CDKAL1: variants seen among roughly 807,000 people sequenced by gnomAD.
The protein encoded by CDKAL1 is CDKAL1 threonylcarbamoyladenosine tRNA methylthiotransferase.
In CDKAL1, 32 loss-of-function variants were observed where a neutral mutation model predicts 68.2. The ratio of observed to expected loss-of-function variants is 0.47; its 90% CI spans 0.35 to 0.63. The LOEUF is 0.63. CDKAL1 is among the 30% of genes least tolerant of loss of function. The pLI is 0.00. For missense variants in CDKAL1, 606 were observed against 696.7 expected, an observed-to-expected ratio of 0.87 and a Z score of 1.47; for synonymous variants, 234 against 244.3, an observed-to-expected ratio of 0.96 and a Z score of 0.39.
chr6:20,744,590 G>C (rs966160195), intron 6 of CDKAL1, among the ~76,000 whole-genome samples: 3 of 152,146 alleles, frequency 2.0e-5, no homozygotes, highest in African/African-American at 7.2e-5. Flanking sequence ...ACCACAGTGA[G>C]ATCAATTAGT....
At chr6:20,865,833 T>TCA (rs1160674667) in intron 9 of CDKAL1, among the ~76,000 whole-genome samples, 1 of 152,174 alleles carries the variant, frequency 6.6e-6, no homozygotes, top group African/African-American at 2.4e-5. Flanking sequence ...AGCGTACCCA[T>TCA]CACAGTAACT....
At chr6:20,856,568 A>T (rs1759348439) in intron 9 of CDKAL1, among the ~76,000 whole-genome samples, 1 of 151,916 alleles carries the variant, frequency 6.6e-6, no homozygotes, top group African/African-American at 2.4e-5. Flanking sequence ...GTTTTACCAA[A>T]GGGGTATGTC....
chr6:20,595,539 T>G (rs752346955), intron 4 of CDKAL1, among the ~76,000 whole-genome samples: 2 of 152,084 alleles, frequency 1.3e-5, no homozygotes, highest in African/African-American at 2.4e-5. Context: ...TTTATGTTTT[T>G]CTCTAAACTG....
At chr6:21,192,915 C>G (rs1285538079) in intron 13 of CDKAL1, among the ~76,000 whole-genome samples, 1 of 150,058 alleles carries the variant, frequency 6.7e-6, no homozygotes. Context: ...CTTGGACTCT[C>G]AAGCAATCCT....
intron 13 of CDKAL1, among the ~76,000 whole-genome samples, chr6:21,136,223 G>T (rs1401814765): frequency 2.0e-5 from 3 of 152,130 alleles, no homozygotes; most frequent in Non-Finnish European, 2.9e-5. Context: ...ATTTATATGT[G>T]TGTAAACAAT....
intron 8 of CDKAL1, among the ~76,000 whole-genome samples, chr6:20,809,175 C>T (rs780531894): frequency 1.6e-4 from 25 of 152,164 alleles, no homozygotes; most frequent in Non-Finnish European, 2.9e-4. Flanking sequence ...TAACAGACAT[C>T]TAAGGTCAGT....
chr6:20,644,193 C>A (rs898458557), intron 4 of CDKAL1, among the ~76,000 whole-genome samples: 1 of 150,532 alleles, frequency 6.6e-6, no homozygotes, highest in African/African-American at 2.5e-5. Context: ...CTCTTTAAGA[C>A]TGTAAACTCC....
chr6:20,955,464 A>G lies in CDKAL1; in HGVS notation c.788A>G (p.Tyr263Cys). The G allele has an allele frequency of 6.2e-7, 1 of 1,614,206 alleles. No homozygotes were observed. The highest frequency in any genetic ancestry group is 8.5e-7 in the Non-Finnish European group (1 of 1,180,028). The change falls in exon 10 of 16, where the codon TAT becomes TGT. Residue 263 changes from tyrosine (Y) to cysteine (C), a missense_variant. Transcript: ENST00000274695. ...IWLTSEDTGA[Y>C]GRDIGTNLPT... ...TTGACCAGTGAAGACACGGGGGCTT[A>G]TGGCAGAGATATTGGCACCAATCTC...
intron 9 of CDKAL1, among the ~76,000 whole-genome samples, chr6:20,848,507 A>C (rs1329394387): frequency 6.6e-6 from 1 of 152,178 alleles, no homozygotes; most frequent in Admixed American, 6.5e-5. Flanking sequence ...TAACATTGTC[A>C]TATCCAGGTG....
In CDKAL1 at chr6:21,020,774, C is replaced by CTTTTTTTT. The variant is rs60084439; in HGVS notation, c.1055+20413_1055+20420dup. ...GAGCCACCGTGCCTGGCCTTTTTTC[C>CTTTTTTTT]TTTTTTTTTTTTTTTTTTAAGAGAT... is the stretch of plus-strand genomic sequence containing the variant. On this transcript the variant is annotated intron_variant, in intron 11 of 15. Transcript: ENST00000274695. Among the ~76,000 whole-genome samples, 1,026 of 132,734 alleles carry CTTTTTTTT rather than the reference C, an allele frequency of 7.7e-3. 16 individuals are homozygous for CTTTTTTTT. The highest frequency in any genetic ancestry group is 0.028 in the African/African-American group (988 of 35,514). The allele number at this position is 132,734 out of a possible 152,430, so 87.1% of individuals were successfully genotyped here.
chr6:20,973,220 A>G (rs988813306), intron 10 of CDKAL1, among the ~76,000 whole-genome samples: 1 of 152,230 alleles, frequency 6.6e-6, no homozygotes, highest in African/African-American at 2.4e-5. Flanking sequence ...GTTATCAGCT[A>G]TAATTATTAT....
intron 5 of CDKAL1, among the ~76,000 whole-genome samples, chr6:20,723,042 T>G (rs1772460674): frequency 1.3e-5 from 2 of 152,154 alleles, no homozygotes; most frequent in African/African-American, 4.8e-5. Context: ...GGACAAGAGC[T>G]TGGGACCCAT....
At chr6:20,747,097 T>C (rs1773696045) in intron 6 of CDKAL1, among the ~76,000 whole-genome samples, 1 of 152,232 alleles carries the variant, frequency 6.6e-6, no homozygotes, top group Admixed American at 6.5e-5. Context: ...ATGCATTTTT[T>C]TTTCCCAGTG....
chr6:21,003,343 AATATATATAT>A (rs71540608), intron 11 of CDKAL1, among the ~76,000 whole-genome samples: 8 of 40,444 alleles, frequency 2.0e-4, no homozygotes, highest in Admixed American at 7.1e-4. Flanking sequence ...ATCTCTACTA[AATATATATAT>A]ATATATATAT....
chr6:21,193,932 G>T (rs780240511), intron 13 of CDKAL1, among the ~76,000 whole-genome samples: 34 of 152,334 alleles, frequency 2.2e-4, no homozygotes, highest in Non-Finnish European at 4.7e-4. Flanking sequence ...ATAAGGAAAA[G>T]AAGTTTATTT....
At chr6:20,874,174 A>G (rs1168566925) in intron 9 of CDKAL1, among the ~76,000 whole-genome samples, 2 of 152,220 alleles carry the variant, frequency 1.3e-5, no homozygotes, top group Admixed American at 6.5e-5. Context: ...GCCCTCAACC[A>G]TGGAAACAAT....
chr6:21,050,734 G>A (rs1302072361), intron 11 of CDKAL1, among the ~76,000 whole-genome samples: 2 of 152,144 alleles, frequency 1.3e-5, no homozygotes, highest in Non-Finnish European at 2.9e-5. Flanking sequence ...AGAGGAAAAC[G>A]TGCCAAACAG....
At chr6:21,205,670 A>G (rs1265800914) in intron 15 of CDKAL1, among the ~76,000 whole-genome samples, 1 of 149,934 alleles carries the variant, frequency 6.7e-6, no homozygotes, top group African/African-American at 2.5e-5. Context: ...AGCTGGGACC[A>G]CAGGAACCCG....
chr6:21,226,539 G>GGATAAATAACTCCATTTAACA (rs1270034115), intron 15 of CDKAL1, among the ~76,000 whole-genome samples: 8 of 152,118 alleles, frequency 5.3e-5, no homozygotes, highest in African/African-American at 1.9e-4. Context: ...TATTATAACA[G>GGATAAATAACTCCATTTAACA]GATAAATAAC....
Sources: allele counts gnomAD v4.1 joint callset (sites outside exome capture counted in the v4.1 genomes callset), GRCh38; gene constraint gnomAD v4.1.1; transcripts MANE v1.5; gene names NCBI Gene and HGNC (gene_info 2026-07-23, HGNC 2026-07-21).